Variants in ZMYND8 observed in about 807,000 individuals in gnomAD.
ZMYND8 encodes zinc finger MYND-type containing 8.
ZMYND8 carries 37 observed loss-of-function variants against 140.8 expected under a neutral mutation model. The ratio of observed to expected loss-of-function variants is 0.26; its 90% CI spans 0.20 to 0.35. The LOEUF is 0.35. Ranked by LOEUF, ZMYND8 falls within the 10% of genes least tolerant of loss-of-function variation. The pLI, the probability that ZMYND8 is intolerant of heterozygous loss-of-function variation, is 1.00. For missense variants in ZMYND8, 1,068 were observed against 1,570.0 expected (o/e 0.68, Z 5.40); for synonymous variants, 592 against 597.1 (o/e 0.99, Z 0.12).
chr20:47,244,911 G>A (rs1316943510), intron 14 of ZMYND8, among the ~76,000 whole-genome samples: 1 of 152,060 alleles, frequency 6.6e-6, no homozygotes, highest in African/African-American at 2.4e-5. Context: ...ACAAAAATTA[G>A]CCAGGCGTGG....
intron 19 of ZMYND8, among the ~76,000 whole-genome samples, chr20:47,223,388 A>AG (rs2037262049): frequency 6.6e-6 from 1 of 151,758 alleles, no homozygotes; most frequent in African/African-American, 2.4e-5. Context: ...TGCCTGTAAT[A>AG]CCAGCCACTT....
rs1039928785 is a variant in ZMYND8 at position 47,246,013 on chromosome 20, T to C, written c.2279A>G (p.Gln760Arg). ...AAACAGATACAATCACTTACCATCC[T>C]GTTTGGGAGATGGTTCTTTGGGTTC... ...KKEPKEPSPK[Q>R]DVVGKTPPST... Residue 760 changes from glutamine (Q) to arginine (R), a missense_variant, in exon 14 of 23, where the codon CAG (glutamine) becomes CGG (arginine). Gln to Arg is a conservative substitution (Grantham distance 43, BLOSUM62 1). Transcript: ENST00000471951. 2 of 1,593,334 alleles carry C rather than the reference T, an allele frequency of 1.3e-6. No homozygotes were observed. The highest frequency in any genetic ancestry group is 2.7e-5 in the African/African-American group (2 of 73,710).
chr20:47,278,968 T>C (rs1399260905), intron 10 of ZMYND8, among the ~76,000 whole-genome samples: 7 of 146,734 alleles, frequency 4.8e-5, no homozygotes, highest in Non-Finnish European at 7.5e-5. Flanking sequence ...AAAAGGAGAG[T>C]GAGTCCTTCT....
At chr20:47,285,817 G>C (rs1022555551) in intron 8 of ZMYND8, 2 of 984,334 alleles carry the variant, frequency 2.0e-6, no homozygotes, top group Non-Finnish European at 2.4e-6. Flanking sequence ...CTTCCTACGA[G>C]TTTAATTACC....
chr20:47,229,243 G>A (rs73912743), intron 17 of ZMYND8, among the ~76,000 whole-genome samples: 713 of 151,822 alleles, frequency 4.7e-3, no homozygotes, highest in African/African-American at 0.016. Flanking sequence ...TTCCCAAAGC[G>A]CTGGGATTAC....
rs562758579 is a variant in ZMYND8, at chr20:47,298,415, G to A, written c.453+314C>T. 9 of 985,402 alleles carry A rather than the reference G, an allele frequency of 9.1e-6. No homozygotes were observed. The highest frequency in any genetic ancestry group is 5.2e-4 in the Middle Eastern group (1 of 1,914). 61.0% of individuals were successfully genotyped at this position (985,402 alleles called of 1,614,324 possible). A position where few individuals can be genotyped will look rare whatever the true frequency, so the allele number is the denominator to read the frequency against. On this transcript the variant is annotated intron_variant, in intron 4 of 22. Transcript: ENST00000471951. The surrounding 1 kb of genome is among the most constrained non-coding windows in gnomAD (Gnocchi z 5.0). ...GAGATCTTTTCAAAATGTGTGAGCC[G>A]TTCATGATTTGGGAGTTAACTTTCA...
rs188427741 is a variant in ZMYND8 at position 47,315,494 on chromosome 20, G to A, written c.86-5290C>T. ...ATGCCTGCTGGATTCGGTATCCTTC[G>A]GAGGGATGAGACAGCAGGGGGGCAT... On this transcript the variant is annotated intron_variant, in intron 2 of 22. Coordinates refer to ENST00000471951, the MANE Select transcript of ZMYND8 (RefSeq NM_001281775.3). Among the ~76,000 whole-genome samples, 305 of 152,116 alleles carry A rather than the reference G, an allele frequency of 2.0e-3. 1 individual carries two copies. The highest frequency in any genetic ancestry group is 3.6e-3 in the Non-Finnish European group (244 of 68,000).
chr20:47,349,923 T>C (rs1415032042), intron 1 of ZMYND8: 2 of 1,535,484 alleles, frequency 1.3e-6, no homozygotes, highest in Admixed American at 3.9e-5. Context: ...GAAGGCTGCA[T>C]TCAAGGGAAC....
At chr20:47,343,343 C>A (rs2082065896) in intron 2 of ZMYND8, among the ~76,000 whole-genome samples, 1 of 152,142 alleles carries the variant, frequency 6.6e-6, no homozygotes, top group South Asian at 2.1e-4. Flanking sequence ...CAAGAGCCAA[C>A]ACAAAGAGCT....
chr20:47,260,737 C>T (rs533319098), intron 12 of ZMYND8, among the ~76,000 whole-genome samples: 2 of 152,258 alleles, frequency 1.3e-5, no homozygotes, highest in East Asian at 1.9e-4. Flanking sequence ...GTGTGAACTG[C>T]CTCTCATGGT....
chr20:47,236,559 C>A, intron 15 of ZMYND8, 43 bp from the exon 16 acceptor site: 1 of 1,501,496 alleles, frequency 6.7e-7, no homozygotes. Flanking sequence ...TGGGAAGGAC[C>A]CATCCCAGCA....
At chr20:47,236,555 G>C in intron 15 of ZMYND8, 39 bp from the exon 16 acceptor site, 1 of 1,510,770 alleles carries the variant, frequency 6.6e-7, no homozygotes, top group Non-Finnish European at 8.9e-7. Flanking sequence ...CACGTGGGAA[G>C]GACCCATCCC....
chr20:47,289,928 A>C (rs2077151532), intron 7 of ZMYND8, among the ~76,000 whole-genome samples: 1 of 152,218 alleles, frequency 6.6e-6, no homozygotes, highest in Non-Finnish European at 1.5e-5. Context: ...GTTTTATTTT[A>C]TGCAATTATA....
chr20:47,333,167 T>C (rs2081088483), intron 2 of ZMYND8, among the ~76,000 whole-genome samples: 1 of 151,712 alleles, frequency 6.6e-6, no homozygotes, highest in African/African-American at 2.4e-5. Context: ...GGCAACACAG[T>C]GAGACCCCTG....
At chr20:47,214,381 C>T (rs763658391) in intron 21 of ZMYND8, among the ~76,000 whole-genome samples, 1 of 152,208 alleles carries the variant, frequency 6.6e-6, no homozygotes, top group Admixed American at 6.5e-5. Context: ...AGAATCACTG[C>T]GGCACTGACT....
intron 12 of ZMYND8, among the ~76,000 whole-genome samples, 168 bp downstream of exon 12, chr20:47,262,116 CCTTA>C (rs1260154722): frequency 2.0e-5 from 3 of 152,084 alleles, no homozygotes; most frequent in Non-Finnish European, 2.9e-5. Context: ...CCAAGAAATC[CCTTA>C]CTTATTCTTT....
chr20:47,319,637 A>C (rs1169256191), intron 2 of ZMYND8: 1 of 154,148 alleles, frequency 6.5e-6, no homozygotes, highest in Non-Finnish European at 1.4e-5. Flanking sequence ...AAATTGCTTC[A>C]ATCTACAGAA....
intron 8 of ZMYND8, 102 bp from the exon 9 acceptor site, chr20:47,283,750 C>T (rs996626669): frequency 1.2e-5 from 14 of 1,173,700 alleles, no homozygotes; most frequent in Non-Finnish European, 1.7e-5. Flanking sequence ...GTTTTAAAGT[C>T]CCATAGAGGG....
In ZMYND8 at chr20:47,282,821, T is replaced by C. The variant is rs184788131; in HGVS notation, c.883-604A>G. The stretch of plus-strand genomic sequence containing the variant: ...GCAGGCACGAGCAAGACATTTCACC[T>C]TTCTGTGCAACATACACAGAGACAA... On this transcript the variant is annotated intron_variant, in intron 9 of 22. Coordinates refer to ENST00000471951, the MANE Select transcript of ZMYND8 (RefSeq NM_001281775.3). Among the ~76,000 whole-genome samples, 580 of 152,254 alleles carry C rather than the reference T, an allele frequency of 3.8e-3. 2 individuals are homozygous for C. The highest frequency in any genetic ancestry group is 0.013 in the African/African-American group (549 of 41,556).
Sources: allele counts gnomAD v4.1 joint callset (sites outside exome capture counted in the v4.1 genomes callset), GRCh38; gene constraint gnomAD v4.1.1; non-coding constraint Gnocchi (gnomAD v3.1); transcripts MANE v1.5; gene names NCBI Gene and HGNC (gene_info 2026-07-23, HGNC 2026-07-21).